NBPF26: variants seen among roughly 807,000 people sequenced by gnomAD.
NBPF26 encodes NBPF family member NBPF26.
In NBPF26, 79 loss-of-function variants were observed where a neutral mutation model predicts 119.6. The ratio of observed to expected loss-of-function variants is 0.66; its 90% CI spans 0.55 to 0.80. The LOEUF is 0.80. NBPF26 is among the 30% of genes least tolerant of loss of function. The pLI is 0.00. For missense variants in NBPF26, 800 were observed against 1,198.2 expected (o/e 0.67, Z 4.91); for synonymous variants, 299 against 457.7 (o/e 0.65, Z 4.43).
intron 14 of NBPF26, among the ~76,000 whole-genome samples, chr1:120,817,321 CT>C (rs1179039786): frequency 9.7e-6 from 1 of 103,586 alleles, no homozygotes; most frequent in Non-Finnish European, 1.8e-5. Flanking sequence ...TTCTTCTTTA[CT>C]TTGCTGATAT....
chr1:120,817,025 C>T (rs1652024085), intron 14 of NBPF26, among the ~76,000 whole-genome samples, 198 bp downstream of exon 14: 2 of 118,556 alleles, frequency 1.7e-5, no homozygotes, highest in Admixed American at 8.0e-5. Flanking sequence ...TTACTCAACC[C>T]CAGGCAAGTG....
rs1651115532 is a variant in NBPF26 at position 120,759,919 on chromosome 1, C to CA, written c.74-3702dup. ...CTATGCAATATATCTCAAACATATACAAAAAAATTCTTCTTGTGTAACTGT... is the reference window on the plus strand; with the variant it reads ...CTATGCAATATATCTCAAACATATACAAAAAAAATTCTTCTTGTGTAACTGT... On this transcript the variant is annotated intron_variant, in intron 1 of 29. Coordinates refer to ENST00000620612, the Ensembl canonical transcript of NBPF26. Among the ~76,000 whole-genome samples, 6 of 102,566 alleles carry CA rather than the reference C, an allele frequency of 5.8e-5. 1 individual carries two copies. In the South Asian group the frequency reaches 1.7e-3, roughly 29 times the overall value. 67.3% of individuals were successfully genotyped at this position (102,566 alleles called of 152,430 possible). A position where few individuals can be genotyped will look rare whatever the true frequency, so the allele number is the denominator to read the frequency against.
chr1:120,771,082 G>A, intron 2 of NBPF26, among the ~76,000 whole-genome samples: 1 of 64,318 alleles, frequency 1.6e-5, no homozygotes, highest in South Asian at 5.1e-4. Flanking sequence ...GAAGAGGGCA[G>A]TGAAGGTGGG....
chr1:120,790,897 G>T (rs2101467529), intron 3 of NBPF26, among the ~76,000 whole-genome samples: 1 of 95,616 alleles, frequency 1.0e-5, no homozygotes, highest in Admixed American at 1.1e-4. Context: ...ACCACTTCCG[G>T]CCCAGGGATC....
intron 17 of NBPF26, among the ~76,000 whole-genome samples, chr1:120,823,628 A>G (rs1652178091): frequency 8.0e-6 from 1 of 125,336 alleles, no homozygotes; most frequent in Non-Finnish European, 1.6e-5. Context: ...ACCACATTTT[A>G]CGCAAAATTA....
Position 120,724,184 on chromosome 1 carries a change from G to A in NBPF26, c.7G>A (p.Ala3Thr). ...GGAGGAGGCGACCGAGAAGATGCCC[G>A]CCCTGCGTCCCGCTCTGCTGTGGGC... Residue 3 changes from alanine (A) to threonine (T), a missense_variant, in exon 1 of 30, where the codon GCC becomes ACC. Around this residue, in one of 13 missense-constraint regions of NBPF26, gnomAD observed 209 missense variants for 285.2 expected, o/e 0.73. Transcript: ENST00000620612. 5.0e-6 allele frequency: 7 copies of A among 1,394,144 alleles called. 2 individuals carry two copies. The highest frequency in any genetic ancestry group is 3.9e-5 in the South Asian group (3 of 77,850). 86.4% of individuals were successfully genotyped at this position (1,394,144 alleles called of 1,614,324 possible).
In NBPF26 at chr1:120,840,369, G is replaced by T. The variant is rs1553273423; in HGVS notation, c.4123G>T (p.Glu1375Ter). The T allele has an allele frequency of 2.7e-5, 39 of 1,459,094 alleles. 7 individuals carry two copies. The highest frequency in any genetic ancestry group is 2.4e-4 in the Middle Eastern group (1 of 4,186). 90.4% of individuals were successfully genotyped at this position (1,459,094 alleles called of 1,614,324 possible). Residue 1375 changes from glutamate to a stop codon, truncating the protein, a stop_gained, in exon 30 of 30, where the codon GAA becomes TAA. Coordinates refer to ENST00000620612, the Ensembl canonical transcript of NBPF26. LOFTEE classifies it low-confidence loss of function (END_TRUNC). Reference sequence around the variant, plus strand: ...TTGCAGGCTCAACAGCATGCTGATGGAAGTGGAAGAGCCTGAAGTCTTGCA... The same window carrying T: ...TTGCAGGCTCAACAGCATGCTGATGTAAGTGGAAGAGCCTGAAGTCTTGCA...
chr1:120,823,831 T>A, intron 17 of NBPF26, 143 bp from the exon 18 acceptor site: 5 of 552,452 alleles, frequency 9.1e-6, no homozygotes, highest in South Asian at 6.9e-5. Context: ...TATCCCAACA[T>A]AAAGGCAATA....
Position 120,814,705 on chromosome 1 carries a change from A to T in NBPF26, c.1878-124A>T, listed in dbSNP as rs1571040020. The T allele has an allele frequency of 7.8e-6, 5 of 642,674 alleles. No homozygotes were observed. The East Asian group carries it at 1.3e-4, about 16-fold the overall frequency. The allele number at this position is 642,674 out of a possible 1,614,324, so 39.8% of individuals were successfully genotyped here. On this transcript the variant is annotated intron_variant, in intron 11 of 29. Transcript: ENST00000620612. ...CTCTTGGCCACAGACATTCCTTTAA[A>T]CATGTGCTGACCTTCTGCTTCGAGG...
In NBPF26 at chr1:120,832,997, T is replaced by C. The variant is rs1413912656; in HGVS notation, c.3371+14T>C. 4 of 1,078,786 alleles carry C rather than the reference T, an allele frequency of 3.7e-6. 1 individual carries two copies. Among genetic ancestry groups the C allele is most frequent in the Non-Finnish European group, 5.3e-6 (4 of 752,606 alleles). The allele number at this position is 1,078,786 out of a possible 1,614,324, so 66.8% of individuals were successfully genotyped here. A position where few individuals can be genotyped will look rare whatever the true frequency, so the allele number is the denominator to read the frequency against. The stretch of plus-strand genomic sequence containing the variant: ...ACCATGCCCCAGGTGACTTTCGCAA[T>C]TGTGGATGCTTAATTCTGTGTTAAC... On this transcript the variant is annotated intron_variant, in intron 23 of 29. Coordinates refer to ENST00000620612, the Ensembl canonical transcript of NBPF26.
chr1:120,832,376 C>A (rs1444722271), intron 22 of NBPF26, among the ~76,000 whole-genome samples: 4 of 101,470 alleles, frequency 3.9e-5, no homozygotes, highest in African/African-American at 7.4e-5. Flanking sequence ...TCAGGCCATA[C>A]CTGTGGCGCC....
chr1:120,764,042 T>A (rs1224758269), intron 2 of NBPF26, among the ~76,000 whole-genome samples: 1 of 109,480 alleles, frequency 9.1e-6, no homozygotes, highest in Non-Finnish European at 1.7e-5. Flanking sequence ...AGGTCAGGAG[T>A]TCAAGATCAG....
chr1:120,790,468 G>A (rs1651474615), intron 3 of NBPF26, among the ~76,000 whole-genome samples: 1 of 116,856 alleles, frequency 8.6e-6, no homozygotes. Flanking sequence ...GAGGCAGCAA[G>A]TTAGTGCCTA....
rs1199775774 is a variant in NBPF26, at chr1:120,810,958, C to T, written c.1564+400C>T. The stretch of plus-strand genomic sequence containing the variant: ...GCTTGTCTTAGCTATTAATAAGTCT[C>T]GGCTGGGCGCAGTGGGTCACACCTG... On this transcript the variant is annotated intron_variant, in intron 9 of 29. Transcript: ENST00000620612. 1.3e-4 allele frequency among the ~76,000 whole-genome samples: 14 copies of T among 107,516 alleles called. 5 individuals carry two copies. The highest frequency in any genetic ancestry group is 5.3e-4 in the Admixed American group (6 of 11,320). 70.5% of individuals were successfully genotyped at this position (107,516 alleles called of 152,430 possible).
rs1368452150 is a variant in NBPF26 at position 120,761,199 on chromosome 1, A to G, written c.74-2429A>G. ...TGTATTTCTCTGAACCTGTCACTGT[A>G]ATGATTTGTCAGGACACTTAATAGG... On this transcript the variant is annotated intron_variant, in intron 1 of 29. Coordinates refer to ENST00000620612, the Ensembl canonical transcript of NBPF26. Among the ~76,000 whole-genome samples, 3 of 124,346 alleles carry G rather than the reference A, an allele frequency of 2.4e-5. 1 individual carries two copies. The Admixed American group carries it at 2.5e-4, about 10-fold the overall frequency. The allele number at this position is 124,346 out of a possible 152,430, so 81.6% of individuals were successfully genotyped here. A position where few individuals can be genotyped will look rare whatever the true frequency, so the allele number is the denominator to read the frequency against.
At chr1:120,804,406 C>G (rs1651625837) in intron 4 of NBPF26, among the ~76,000 whole-genome samples, 1 of 90,460 alleles carries the variant, frequency 1.1e-5, no homozygotes, top group Non-Finnish European at 2.0e-5. Context: ...GAATGCAACC[C>G]AAAATCAATG....
At position 120,756,749 on chromosome 1, in the gene NBPF26, G is replaced by C. The variant is rs1314820809; in HGVS notation, c.74-6879G>C. Among the ~76,000 whole-genome samples the C allele has an allele frequency of 8.8e-5, 10 of 113,406 alleles. 4 individuals are homozygous for C. The highest frequency in any genetic ancestry group is 5.5e-4 in the African/African-American group (10 of 18,076). 74.4% of individuals were successfully genotyped at this position (113,406 alleles called of 152,430 possible). Reference sequence around the variant, plus strand: ...ATACTGAAAAGCATTGGAAAACTTAGGTAAATGCCTAGAGGAAATTTTAAG... The same window carrying C: ...ATACTGAAAAGCATTGGAAAACTTACGTAAATGCCTAGAGGAAATTTTAAG... On this transcript the variant is annotated intron_variant, in intron 1 of 29. Coordinates refer to ENST00000620612, the Ensembl canonical transcript of NBPF26.
intron 4 of NBPF26, among the ~76,000 whole-genome samples, chr1:120,801,303 G>C (rs1651578437): frequency 8.3e-6 from 1 of 120,294 alleles, no homozygotes; most frequent in East Asian, 2.0e-4. Flanking sequence ...GAATTGGAGA[G>C]TGACTGCCCA....
At chr1:120,807,438 A>G (rs1159094170) in intron 5 of NBPF26, among the ~76,000 whole-genome samples, 169 bp from the exon 6 acceptor site, 1 of 119,670 alleles carries the variant, frequency 8.4e-6, no homozygotes, top group Non-Finnish European at 1.7e-5. Context: ...GGAGGATCAG[A>G]TGCCAGAAAG....
Sources: gnomAD v4.1 joint callset for allele counts (sites outside exome capture counted in the v4.1 genomes callset) on GRCh38, gnomAD v4.1.1 for gene constraint, gnomAD v4.1.1 regional missense constraint, MANE v1.5 for transcripts, NCBI Gene and HGNC (gene_info 2026-07-23, HGNC 2026-07-21) for gene names.